TPM4: variants seen among roughly 807,000 people sequenced by gnomAD.
TPM4 encodes the protein tropomyosin 4, also known as tropomyosin alpha-4 chain.
TPM4 carries 17 observed loss-of-function variants against 35.8 expected under a neutral mutation model. That is an observed-to-expected ratio of 0.47 (90% CI 0.32 to 0.71). TPM4 has a LOEUF of 0.71. Ranked by LOEUF, TPM4 falls within the 30% of genes least tolerant of loss-of-function variation. The pLI is 0.03. For missense variants in TPM4, 240 were observed against 320.9 expected, an observed-to-expected ratio of 0.75 and a Z score of 1.93; for synonymous variants, 120 against 122.9, an observed-to-expected ratio of 0.98 and a Z score of 0.15.
chr19:16,096,901 TC>T (rs1425144461), intron 7 of TPM4, among the ~76,000 whole-genome samples: 2 of 148,328 alleles, frequency 1.3e-5, no homozygotes, highest in Non-Finnish European at 3.0e-5. Context: ...TCATGCTTTT[TC>T]CTACATGAGG....
upstream of TPM4, among the ~76,000 whole-genome samples, chr19:16,073,470 T>G (rs867540758): frequency 7.2e-5 from 11 of 152,306 alleles, no homozygotes; most frequent in South Asian, 6.2e-4. Flanking sequence ...TGTCAAGGTT[T>G]CTGTTCTGCA....
intron 2 of TPM4, among the ~76,000 whole-genome samples, chr19:16,085,989 A>T (rs911259497): frequency 4.6e-5 from 7 of 151,456 alleles, no homozygotes; most frequent in Non-Finnish European, 1.0e-4. Context: ...GAATTGCTTG[A>T]ACCCAGGAGA....
intron 1 of TPM4, among the ~76,000 whole-genome samples, chr19:16,079,385 T>C (rs2090453771): frequency 6.6e-6 from 1 of 152,242 alleles, no homozygotes; most frequent in Admixed American, 6.5e-5. Context: ...CATCAGTTCC[T>C]GGCCCAGTTA....
chr19:16,089,675 T>TG, intron 5 of TPM4, among the ~76,000 whole-genome samples: 1 of 151,016 alleles, frequency 6.6e-6, no homozygotes, highest in Non-Finnish European at 1.5e-5. Context: ...CCACTTTTTT[T>TG]TTTTTTTTTT....
chr19:16,072,642 C>T (rs1324234051), upstream of TPM4, among the ~76,000 whole-genome samples: 1 of 152,180 alleles, frequency 6.6e-6, no homozygotes, highest in Non-Finnish European at 1.5e-5. Flanking sequence ...CCTGGCCAGG[C>T]ATAGTGGCTC....
At chr19:16,075,946 G>C (rs2144915957), upstream of TPM4, 14 of 1,463,896 alleles carry the variant, frequency 9.6e-6, no homozygotes, top group Non-Finnish European at 7.3e-6. Context: ...TGCCCAGAGA[G>C]AGACGGAGGA....
chr19:16,074,178 A>G (rs913968156), upstream of TPM4: 7 of 151,984 alleles, frequency 4.6e-5, no homozygotes, highest in African/African-American at 1.5e-4. Flanking sequence ...AAGAAAAAAA[A>G]GAAGAGAAGC....
At chr19:16,069,683 GGT>G (rs756538233) in intron 2 of TPM4, among the ~76,000 whole-genome samples, 6 of 146,028 alleles carry the variant, frequency 4.1e-5, no homozygotes, top group Middle Eastern at 3.4e-3. Flanking sequence ...TTTCTGTTGG[GGT>G]GTGTGTGTGG....
Position 16,070,491 on chromosome 19 carries a change from G to A in TPM4, c.114+2753G>A, listed in dbSNP as rs1233611066. Among the ~76,000 whole-genome samples, 4 of 149,340 alleles carry A rather than the reference G, an allele frequency of 2.7e-5. No homozygotes were observed. The highest frequency in any genetic ancestry group is 6.0e-5 in the Non-Finnish European group (4 of 66,486). ...GTGCCCAGCCCCACCCAGGCCAGGAGCCAGGCCAGCCCGGCAGCTAAAGGC... is the reference window on the plus strand; with the variant it reads ...GTGCCCAGCCCCACCCAGGCCAGGAACCAGGCCAGCCCGGCAGCTAAAGGC... On this transcript the variant is annotated intron_variant, in intron 2 of 2. Transcript: ENST00000589897. This position sits in a 1 kb window ranked among gnomAD's most constrained non-coding sequence, Gnocchi z 7.4.
At chr19:16,076,481 G>C (rs984635198), upstream of TPM4, 110 of 1,330,720 alleles carry the variant, frequency 8.3e-5, 1 homozygote, top group South Asian at 1.6e-3. Flanking sequence ...GGCTTGGGGG[G>C]CCGGGGCGCG....
upstream of TPM4, chr19:16,074,418 G>A (rs1048059559): frequency 6.6e-6 from 1 of 152,184 alleles, no homozygotes; most frequent in African/African-American, 2.4e-5. Flanking sequence ...TTCTTGCTGT[G>A]TCCTCACATT....
chr19:16,085,913 A>T (rs1419637235), intron 2 of TPM4, among the ~76,000 whole-genome samples: 1 of 151,966 alleles, frequency 6.6e-6, no homozygotes, highest in East Asian at 1.9e-4. Context: ...TACTAAAAAT[A>T]TAAAAGTTAG....
intron 2 of TPM4, among the ~76,000 whole-genome samples, chr19:16,068,387 A>T (rs2090319640): frequency 6.6e-6 from 1 of 152,056 alleles, no homozygotes; most frequent in African/African-American, 2.4e-5. Flanking sequence ...TGTTGGCCGG[A>T]CTGGTCTCAA....
chr19:16,069,574 G>A (rs374071445), intron 2 of TPM4, among the ~76,000 whole-genome samples: 5 of 27,806 alleles, frequency 1.8e-4, no homozygotes, highest in African/African-American at 6.3e-4. Flanking sequence ...ATTGGTGTGT[G>A]TGTTTCTATT....
intron 3 of TPM4, 98 bp downstream of exon 3, chr19:16,086,638 G>A (rs2144940326): frequency 1.0e-6 from 1 of 998,978 alleles, no homozygotes; most frequent in Non-Finnish European, 1.5e-6. Flanking sequence ...GAAGCTCTCG[G>A]TTAGGTCAGC....
intron 3 of TPM4, 101 bp from the exon 4 acceptor site, chr19:16,087,926 C>G: frequency 6.4e-6 from 8 of 1,247,686 alleles, no homozygotes; most frequent in Non-Finnish European, 9.2e-6. Context: ...TGCAGCTGGT[C>G]TAGGGGTCTG....
In TPM4 at chr19:16,088,083, G is replaced by A. The variant is rs372712176; in HGVS notation, c.441G>A (p.Ala147=). ...AGCTGGAGAGGGCAGAGGAGCGTGC[G>A]GAGGTGTCTGAACTGTGAGTGGCAG... ...EGELERAEER[A]EVSELKCGDL... Residue 147 remains alanine (A), a synonymous_variant, in exon 4 of 8, where the codon GCG becomes GCA. Transcript: ENST00000643579. 44 of 1,611,794 alleles carry A rather than the reference G, an allele frequency of 2.7e-5. No individual in the cohort carries two copies. Among genetic ancestry groups the A allele is most frequent in the Non-Finnish European group, 2.9e-5 (34 of 1,179,332 alleles).
At position 16,102,300 on chromosome 19, in the gene TPM4, C is replaced by T. The variant is rs2090770947; in HGVS notation, c.*954C>T. ...ACTGCAGTGAGCCGATATCGCACCA[C>T]AGCGCTCCAGCCTGGTCGACAGAGT... On this transcript the variant is annotated 3_prime_UTR_variant, in exon 8 of 8. Coordinates refer to ENST00000643579, the MANE Select transcript of TPM4 (RefSeq NM_003290.3). 1 of 195,324 alleles carries T rather than the reference C, an allele frequency of 5.1e-6. No homozygotes were observed. The highest frequency in any genetic ancestry group is 1.1e-5 in the Non-Finnish European group (1 of 93,848). 12.1% of individuals were successfully genotyped at this position (195,324 alleles called of 1,614,324 possible). A position where few individuals can be genotyped will look rare whatever the true frequency, so the allele number is the denominator to read the frequency against.
Position 16,096,122 on chromosome 19 carries a change from G to A in TPM4, c.664+2369G>A, listed in dbSNP as rs567370013. Among the ~76,000 whole-genome samples, 41 of 152,160 alleles carry A rather than the reference G, an allele frequency of 2.7e-4. 1 individual carries two copies. The highest frequency in any genetic ancestry group is 9.2e-4 in the African/African-American group (38 of 41,526). On this transcript the variant is annotated intron_variant, in intron 7 of 7. Coordinates refer to ENST00000643579, the MANE Select transcript of TPM4 (RefSeq NM_003290.3). ...TCTTTTGGATTTTTAGTAGAGACAG[G>A]GTTTCACCATGTTGGTCAGGCTGGT...
Sources: allele counts gnomAD v4.1 joint callset (sites outside exome capture counted in the v4.1 genomes callset), GRCh38; gene constraint gnomAD v4.1.1; non-coding constraint Gnocchi (gnomAD v3.1); transcripts MANE v1.5; gene names NCBI Gene and HGNC (gene_info 2026-07-23, HGNC 2026-07-21).